Variants in XPA observed in about 807,000 individuals in gnomAD.
XPA encodes DNA repair protein complementing XP-A cells.
In XPA, 27 loss-of-function variants were observed where a neutral mutation model predicts 35.7. The observed-to-expected ratio is 0.76, with a 90% CI of 0.56 to 1.04. The LOEUF (loss-of-function observed/expected upper bound fraction) is 1.04, where lower values mean the gene tolerates loss of function less well. XPA is among the 50% of genes least tolerant of loss of function. The pLI is 0.00. For missense variants in XPA, 354 were observed against 342.7 expected (o/e 1.03, Z -0.26); for synonymous variants, 133 against 118.4 (o/e 1.12, Z -0.80).
rs377130468 is a variant in XPA, at chr9:97,697,281, G to A, written c.12C>T (p.Ala4=). The change falls in exon 1 of 6, where the codon GCC becomes GCT. Residue 4 remains alanine (A), a synonymous_variant. Coordinates refer to ENST00000375128, the MANE Select transcript of XPA (RefSeq NM_000380.4). MAA[A]DGALPEAAAL... ...CCGCCGCCTCCGGCAAAGCCCCGTC[G>A]GCCGCCGCCATCTCTGGCCCACTCC... is the stretch of plus-strand genomic sequence containing the variant. 1.5e-5 allele frequency: 24 copies of A among 1,598,434 alleles called. No individual in the cohort carries two copies. Among genetic ancestry groups the A allele is most frequent in the East Asian group, 2.2e-5 (1 of 44,812 alleles).
the XPA span, chr9:97,655,877 G>A: frequency 7.7e-7 from 1 of 1,305,266 alleles, no homozygotes; most frequent in Admixed American, 2.2e-5. Flanking sequence ...TTGTAGTTAA[G>A]TACAAATAGT....
At chr9:97,671,372 A>T (rs374209045), downstream of XPA, 1 of 544,868 alleles carries the variant, frequency 1.8e-6, no homozygotes, top group Non-Finnish European at 3.2e-6. Context: ...CCTGAAAAGC[A>T]AATACTTCCT....
chr9:97,670,363 C>T (rs1457250948), downstream of XPA, among the ~76,000 whole-genome samples: 2 of 152,304 alleles, frequency 1.3e-5, no homozygotes, highest in East Asian at 3.9e-4. Context: ...TCCACAGAAT[C>T]AAGGTAAGCT....
the XPA span, among the ~76,000 whole-genome samples, chr9:97,665,857 A>C: frequency 6.6e-6 from 1 of 150,988 alleles, no homozygotes; most frequent in East Asian, 2.0e-4. Flanking sequence ...GTGATAACGT[A>C]GTCAATTAAC....
rs3176652 is a variant in XPA at position 97,693,679 on chromosome 9, GTTCTTC to G, written c.247_252del (p.Glu83_Glu84del). ...TGATGAACAACTTTTCCAATTTTCT[GTTCTTC>G]TTCTTCTTCCTCTTCTAAAATGAAG... On this transcript the variant is annotated inframe_deletion, in exon 2 of 6. Coordinates refer to ENST00000375128, the MANE Select transcript of XPA (RefSeq NM_000380.4). The G allele has an allele frequency of 5.0e-6, 8 of 1,613,284 alleles. No homozygotes were observed. The highest frequency in any genetic ancestry group is 2.2e-5 in the East Asian group (1 of 44,808).
At chr9:97,670,980 CTCTTT>C, downstream of XPA, 2 of 618,478 alleles carry the variant, frequency 3.2e-6, no homozygotes, top group Non-Finnish European at 5.5e-6. Context: ...TTTCCCCTTC[CTCTTT>C]TCATCATTCT....
At chr9:97,663,634 AC>A in the XPA span, among the ~76,000 whole-genome samples, 1 of 151,636 alleles carries the variant, frequency 6.6e-6, no homozygotes, top group Non-Finnish European at 1.5e-5. Context: ...ACAGGCGTCC[AC>A]CACCACACCT....
intron 5 of XPA, among the ~76,000 whole-genome samples, chr9:97,680,663 A>T (rs1326981139): frequency 1.3e-5 from 2 of 152,252 alleles, no homozygotes; most frequent in Non-Finnish European, 1.5e-5. Context: ...GTAAATAAAA[A>T]AAATTTAAGA....
chr9:97,662,499 G>A, the XPA span, among the ~76,000 whole-genome samples: 4 of 152,160 alleles, frequency 2.6e-5, no homozygotes, highest in Non-Finnish European at 4.4e-5. Flanking sequence ...TGGGAGTCAC[G>A]CAAAGGTTGG....
At chr9:97,689,758 A>G (rs1828828877) in intron 2 of XPA, 119 bp from the exon 3 acceptor site, 1 of 601,350 alleles carries the variant, frequency 1.7e-6, no homozygotes, top group Non-Finnish European at 2.9e-6. Flanking sequence ...TTTAAGTAAA[A>G]GACAAAATAA....
In XPA at chr9:97,689,643, A is replaced by G. The variant is rs754845082; in HGVS notation, c.284-4T>C. ...TAATCAAATTCCATAACAGGTCCTA[A>G]GAAAAGGAAAATGAACTCTAGTTTC... On this transcript the variant is annotated splice_region_variant and splice_polypyrimidine_tract_variant and intron_variant, in intron 2 of 5. Coordinates refer to ENST00000375128, the MANE Select transcript of XPA (RefSeq NM_000380.4). 2 of 1,572,070 alleles carry G rather than the reference A, an allele frequency of 1.3e-6. No individual in the cohort carries two copies. Among genetic ancestry groups the G allele is most frequent in the Admixed American group, 3.3e-5 (2 of 59,718 alleles).
In XPA at chr9:97,689,618, TAATC is replaced by T; in HGVS notation, c.301_304del (p.Asp101MetfsTer2). ...TTTCCCACATTCTTCGCATATTACA[TAATC>T]AAATTCCATAACAGGTCCTAAGAAA... On this transcript the variant is annotated frameshift_variant, in exon 3 of 6. Transcript: ENST00000375128. LOFTEE classifies it high-confidence loss of function. 1 of 1,610,474 alleles carries T rather than the reference TAATC, an allele frequency of 6.2e-7. No homozygotes were observed. Among genetic ancestry groups the T allele is most frequent in the Non-Finnish European group, 8.5e-7 (1 of 1,177,106 alleles).
the XPA span, among the ~76,000 whole-genome samples, chr9:97,665,218 C>T: frequency 2.6e-5 from 4 of 152,186 alleles, no homozygotes; most frequent in Non-Finnish European, 2.9e-5. Context: ...GTTGTCATAC[C>T]GGCCAGGTTG....
At chr9:97,659,835 C>G in the XPA span, among the ~76,000 whole-genome samples, 1 of 152,192 alleles carries the variant, frequency 6.6e-6, no homozygotes, top group African/African-American at 2.4e-5. Context: ...CATTCAAGGC[C>G]TTCATAACCA....
chr9:97,682,762 ACAG>A (rs774560626), intron 5 of XPA, among the ~76,000 whole-genome samples: 1 of 152,246 alleles, frequency 6.6e-6, no homozygotes, highest in African/African-American at 2.4e-5. Context: ...CTGGTGATTA[ACAG>A]CAGCAATTTA....
chr9:97,696,189 T>C (rs1330028869), intron 1 of XPA, among the ~76,000 whole-genome samples: 3 of 152,204 alleles, frequency 2.0e-5, no homozygotes, highest in African/African-American at 7.2e-5. Flanking sequence ...TCACTACATC[T>C]GGCTGATAAA....
downstream of XPA, among the ~76,000 whole-genome samples, chr9:97,670,472 C>T (rs80145693): frequency 3.8e-4 from 58 of 152,266 alleles, no homozygotes; most frequent in African/African-American, 1.0e-3. Context: ...ATTGTATCTT[C>T]GGACACTACT....
chr9:97,674,332 T>G (rs1828286840), downstream of XPA, among the ~76,000 whole-genome samples: 1 of 152,132 alleles, frequency 6.6e-6, no homozygotes, highest in Admixed American at 6.5e-5. Context: ...AAAATCAAAC[T>G]TGAAAAATAC....
chr9:97,655,804 AACT>A, the XPA span: 2 of 1,544,996 alleles, frequency 1.3e-6, no homozygotes, highest in Non-Finnish European at 8.8e-7. Context: ...GTAGTCAAAA[AACT>A]ACTAATGTTT....
Sources: allele counts gnomAD v4.1 joint callset (sites outside exome capture counted in the v4.1 genomes callset), GRCh38; gene constraint gnomAD v4.1.1; transcripts MANE v1.5; gene names NCBI Gene and HGNC (gene_info 2026-07-23, HGNC 2026-07-21).